Variants in PKP2 observed in about 807,000 individuals in gnomAD.
PKP2 encodes the protein plakophilin-2.
A neutral mutation model predicts 83.4 loss-of-function variants in PKP2; 73 were observed. The observed-to-expected ratio is 0.88, with a 90% CI of 0.72 to 1.06. PKP2 has a LOEUF of 1.06. Ranked by LOEUF, PKP2 falls within the 50% of genes least tolerant of loss-of-function variation. PKP2 has a pLI of 0.00. For synonymous variants in PKP2, 409 were observed against 430.4 expected, an observed-to-expected ratio of 0.95 and a Z score of 0.62; for missense variants, 966 against 1,065.4, an observed-to-expected ratio of 0.91 and a Z score of 1.30.
chr12:32,873,605 T>C (rs1364956510), intron 3 of PKP2, among the ~76,000 whole-genome samples: 1 of 151,388 alleles, frequency 6.6e-6, no homozygotes, highest in Non-Finnish European at 1.5e-5. Context: ...TACCAGCTCA[T>C]TGCAACCTCC....
At chr12:32,832,321 T>A (rs1956508144) in intron 6 of PKP2, among the ~76,000 whole-genome samples, 1 of 151,928 alleles carries the variant, frequency 6.6e-6, no homozygotes, top group African/African-American at 2.4e-5. Context: ...GAGGTTGCAG[T>A]GAGCCAAGAT....
chr12:32,863,473 A>AAAAAC (rs1360177777), intron 4 of PKP2: 2 of 191,712 alleles, frequency 1.0e-5, no homozygotes, highest in African/African-American at 4.8e-5. Context: ...TGGATTCGTA[A>AAAAAC]AAAACAAAAC....
At chr12:32,833,897 T>C (rs1012877917) in intron 6 of PKP2, among the ~76,000 whole-genome samples, 1 of 152,174 alleles carries the variant, frequency 6.6e-6, no homozygotes, top group African/African-American at 2.4e-5. Flanking sequence ...TAAGCCTGTC[T>C]CGTAAGTGGA....
At chr12:32,896,460 C>A (rs769595907) in intron 1 of PKP2, 49 bp downstream of exon 1, 2 of 1,358,064 alleles carry the variant, frequency 1.5e-6, no homozygotes, top group Non-Finnish European at 2.0e-6. Flanking sequence ...GAGGAGGTGA[C>A]CGGGTGTGGG....
chr12:32,808,174 T>C (rs537937777), intron 9 of PKP2, among the ~76,000 whole-genome samples: 6 of 152,338 alleles, frequency 3.9e-5, no homozygotes, highest in Non-Finnish European at 8.8e-5. Context: ...CAGTTGCAGG[T>C]TCCATCTCTT....
rs369332786 is a variant in PKP2, at chr12:32,878,131, C to A, written c.749G>T (p.Arg250Leu). 3.1e-6 allele frequency: 5 copies of A among 1,614,098 alleles called. No homozygotes were observed. Among genetic ancestry groups the A allele is most frequent in the Non-Finnish European group, 4.2e-6 (5 of 1,180,058 alleles). The change falls in exon 3 of 13, where the codon CGC becomes CTC. Residue 250 changes from arginine to leucine, a missense_variant. Coordinates refer to ENST00000340811, the MANE Select transcript of PKP2 (RefSeq NM_001005242.3). ...CTTCTCCAAGAGGTTGCCCATGCTG[C>A]GGCTGGTCCCTGGCCTGGGGTACGT... ...LLTYPRPGTS[R>L]SMGNLLEKEN...
At chr12:32,891,589 A>G (rs1957075565) in intron 1 of PKP2, among the ~76,000 whole-genome samples, 1 of 152,214 alleles carries the variant, frequency 6.6e-6, no homozygotes, top group Non-Finnish European at 1.5e-5. Context: ...TATTTAATAC[A>G]AAAGCTACCC....
intron 4 of PKP2, among the ~76,000 whole-genome samples, chr12:32,867,725 G>A (rs1047807178): frequency 5.9e-5 from 9 of 152,102 alleles, no homozygotes; most frequent in African/African-American, 1.9e-4. Context: ...TTGTTTCTTC[G>A]TGTATAAAAT....
At chr12:32,862,644 T>C (rs1412674359) in intron 4 of PKP2, among the ~76,000 whole-genome samples, 1 of 150,508 alleles carries the variant, frequency 6.6e-6, no homozygotes, top group African/African-American at 2.5e-5. Flanking sequence ...AAACTCCGTC[T>C]CAAAAAGAAA....
intron 9 of PKP2, among the ~76,000 whole-genome samples, chr12:32,811,754 G>A (rs1202613729): frequency 6.6e-6 from 1 of 152,172 alleles, no homozygotes; most frequent in Admixed American, 6.5e-5. Flanking sequence ...TGTTTCTTCA[G>A]GTCATATATG....
intron 4 of PKP2, chr12:32,863,442 T>C (rs76087931): frequency 0.23 from 46,509 of 204,910 alleles, 7,620 homozygotes; most frequent in South Asian, 0.32. Context: ...TTTAAACTAA[T>C]GAAACAATAA....
At chr12:32,805,187 T>C (rs559683340) in intron 9 of PKP2, among the ~76,000 whole-genome samples, 2 of 90,856 alleles carry the variant, frequency 2.2e-5, no homozygotes, top group South Asian at 3.0e-4. Context: ...AGGTTCCTTA[T>C]AGACTCTGGA....
intron 4 of PKP2, among the ~76,000 whole-genome samples, chr12:32,852,857 G>C (rs1956712679): frequency 6.6e-6 from 1 of 152,166 alleles, no homozygotes; most frequent in Non-Finnish European, 1.5e-5. Flanking sequence ...GTCAAGGTGG[G>C]CGGATCATGA....
intron 6 of PKP2, among the ~76,000 whole-genome samples, chr12:32,828,898 A>G (rs922290020): frequency 2.6e-5 from 4 of 152,000 alleles, no homozygotes; most frequent in African/African-American, 9.7e-5. Context: ...CTTCACCACC[A>G]TACAAAATAA....
chr12:32,891,880 G>T (rs770260405), intron 1 of PKP2, among the ~76,000 whole-genome samples: 83 of 152,098 alleles, frequency 5.5e-4, no homozygotes, highest in Non-Finnish European at 7.9e-4. Context: ...AGTTTTTTTT[G>T]TTGTTGTTGT....
At chr12:32,884,282 C>T (rs563937576) in intron 1 of PKP2, among the ~76,000 whole-genome samples, 5 of 152,076 alleles carry the variant, frequency 3.3e-5, no homozygotes, top group East Asian at 1.9e-4. Flanking sequence ...GGTGAAATCC[C>T]GTCTCTACTA....
At chr12:32,851,443 A>G (rs550955687) in intron 4 of PKP2, among the ~76,000 whole-genome samples, 2 of 152,288 alleles carry the variant, frequency 1.3e-5, no homozygotes, top group East Asian at 3.9e-4. Context: ...TTACCATGTC[A>G]GCCTCAGTAG....
intron 4 of PKP2, among the ~76,000 whole-genome samples, chr12:32,857,842 T>G (rs1240212013): frequency 6.6e-6 from 1 of 151,434 alleles, no homozygotes; most frequent in Admixed American, 6.6e-5. Flanking sequence ...TAAGAGATAG[T>G]AGAAATCTAG....
At position 32,825,924 on chromosome 12, in the gene PKP2, A is replaced by G. The variant is rs1956435901; in HGVS notation, c.1557-1762T>C. 2.0e-5 allele frequency among the ~76,000 whole-genome samples: 3 copies of G among 152,110 alleles called. No homozygotes were observed. The South Asian group carries it at 6.2e-4, about 32-fold the overall frequency. ...TTAACAAAATAAAGTAATATAATAT[A>G]AGTGATTTCCAAAAGGCCTTCTGCC... On this transcript the variant is annotated intron_variant, in intron 6 of 12. Transcript: ENST00000340811.
Sources: gnomAD v4.1 joint callset for allele counts (sites outside exome capture counted in the v4.1 genomes callset) on GRCh38, gnomAD v4.1.1 for gene constraint, MANE v1.5 for transcripts, NCBI Gene and HGNC (gene_info 2026-07-23, HGNC 2026-07-21) for gene names.